Variants in NDUFA5 observed in about 807,000 individuals in gnomAD.
NDUFA5 encodes the protein NADH:ubiquinone oxidoreductase subunit A5.
Under a neutral mutation model 19.8 loss-of-function variants are expected in NDUFA5, and 11 were observed. The observed-to-expected ratio is 0.56, with a 90% CI of 0.35 to 0.92. NDUFA5 has a LOEUF of 0.92. NDUFA5 is among the 40% of genes least tolerant of loss of function. The probability of loss-of-function intolerance (pLI) is 0.01; values close to 1 mark genes in which losing one functional copy is unlikely to be tolerated. For synonymous variants in NDUFA5, 47 were observed against 46.8 expected (o/e 1.00, Z -0.01); for missense variants, 109 against 134.2 (o/e 0.81, Z 0.93).
In NDUFA5 at chr7:123,550,503, C is replaced by T; in HGVS notation, c.150G>A (p.Gln50=). ...CCATAGCCAGCTTCTCATTTGTAAT[C>T]TGTTCTGTATACTTTCTATATGCTG... ...KNAAYRKYTE[Q]ITNEKLAMVK... is the part of the protein sequence containing the mutation. Residue 50 remains glutamine, a synonymous_variant, in exon 3 of 5, where the codon CAG becomes CAA. Transcript: ENST00000355749. The T allele has an allele frequency of 1.2e-6, 2 of 1,608,868 alleles. No homozygotes were observed. Among genetic ancestry groups the T allele is most frequent in the South Asian group, 1.1e-5 (1 of 90,518 alleles).
At chr7:123,577,334 T>C in the NDUFA5 span, among the ~76,000 whole-genome samples, 1 of 152,182 alleles carries the variant, frequency 6.6e-6, no homozygotes, top group African/African-American at 2.4e-5. Context: ...AGAAGAACTG[T>C]CACTTGTCTT....
the NDUFA5 span, among the ~76,000 whole-genome samples, chr7:123,588,599 C>CT: frequency 4.0e-4 from 56 of 140,998 alleles, no homozygotes; most frequent in African/African-American, 1.3e-3. Context: ...TCCTTTCTGT[C>CT]TTTTTTCTAC....
At chr7:123,581,133 A>G in the NDUFA5 span, among the ~76,000 whole-genome samples, 10 of 151,834 alleles carry the variant, frequency 6.6e-5, no homozygotes, top group African/African-American at 2.2e-4. Flanking sequence ...AACCTCCTTC[A>G]GCTCTTTGCG....
At chr7:123,600,762 C>T in the NDUFA5 span, among the ~76,000 whole-genome samples, 2 of 152,166 alleles carry the variant, frequency 1.3e-5, no homozygotes, top group African/African-American at 4.8e-5. Context: ...TCTCATTTCA[C>T]ATTTACGGTT....
chr7:123,582,845 T>C, the NDUFA5 span, among the ~76,000 whole-genome samples: 11,047 of 151,988 alleles, frequency 0.073, 455 homozygotes, highest in African/African-American at 0.096. Flanking sequence ...AGCTAATAAA[T>C]ACATACTTGG....
intron 2 of NDUFA5, chr7:123,557,068 A>G (rs1419831284): frequency 3.7e-6 from 2 of 545,302 alleles, no homozygotes; most frequent in Admixed American, 4.4e-5. Context: ...AATCCAACGC[A>G]CCTAAGCAGA....
At chr7:123,580,759 C>T in the NDUFA5 span, among the ~76,000 whole-genome samples, 2 of 152,020 alleles carry the variant, frequency 1.3e-5, no homozygotes, top group South Asian at 2.1e-4. Context: ...CCTGCACAAC[C>T]GTACCTGGAA....
chr7:123,574,645 A>G, the NDUFA5 span, among the ~76,000 whole-genome samples: 1 of 152,142 alleles, frequency 6.6e-6, no homozygotes, highest in East Asian at 1.9e-4. Context: ...GAGGCCCTCT[A>G]ACATTGAACC....
chr7:123,595,354 T>C, the NDUFA5 span, among the ~76,000 whole-genome samples: 3 of 152,192 alleles, frequency 2.0e-5, no homozygotes, highest in East Asian at 3.9e-4. Context: ...TTTTGCCTCA[T>C]GACAAAAAGT....
chr7:123,576,954 A>T, the NDUFA5 span, among the ~76,000 whole-genome samples: 1 of 152,278 alleles, frequency 6.6e-6, no homozygotes, highest in Admixed American at 6.5e-5. Context: ...AATTTTCAGG[A>T]GGAAAAAGAG....
At position 123,541,143 on chromosome 7, in the gene NDUFA5, G is replaced by A. The variant is rs1584683548; in HGVS notation, c.*976C>T. On this transcript the variant is annotated 3_prime_UTR_variant, in exon 5 of 5. Transcript: ENST00000355749. ...ACCCACCTACACTTATATTAGAAAC[G>A]TACTGCAAACTATTTAGTGACTCCA... The A allele has an allele frequency of 6.6e-6, 1 of 152,090 alleles. No individual in the cohort carries two copies. Among genetic ancestry groups the A allele is most frequent in the Admixed American group, 6.6e-5 (1 of 15,266 alleles). The allele number at this position is 152,090 out of a possible 1,614,324, so 9.4% of individuals were successfully genotyped here. A position where few individuals can be genotyped will look rare whatever the true frequency, so the allele number is the denominator to read the frequency against.
rs61556029 is a variant in NDUFA5 at position 123,544,764 on chromosome 7, T to TAAAAA, written c.249+842_249+846dup. 4.4e-3 allele frequency among the ~76,000 whole-genome samples: 271 copies of TAAAAA among 61,776 alleles called. 3 individuals carry two copies. The highest frequency in any genetic ancestry group is 6.6e-3 in the African/African-American group (107 of 16,190). The allele number at this position is 61,776 out of a possible 152,430, so 40.5% of individuals were successfully genotyped here. The stretch of plus-strand genomic sequence containing the variant: ...AATTGGAGAAAAAAGATGCAAATCT[T>TAAAAA]AAAAAAAAAAAAAAAAAAAAAAAAA... On this transcript the variant is annotated intron_variant, in intron 4 of 4. Transcript: ENST00000355749.
the NDUFA5 span, among the ~76,000 whole-genome samples, chr7:123,591,798 A>T: frequency 6.6e-6 from 1 of 152,182 alleles, no homozygotes; most frequent in East Asian, 1.9e-4. Flanking sequence ...TGGTATCAGG[A>T]TGATGCTGAC....
In NDUFA5 at chr7:123,557,462, A is replaced by C. The variant is rs776139106; in HGVS notation, c.22-14T>G. 6.8e-6 allele frequency: 11 copies of C among 1,612,468 alleles called. No individual in the cohort carries two copies. The East Asian group carries it at 2.5e-4, about 36-fold the overall frequency. On this transcript the variant is annotated splice_polypyrimidine_tract_variant and intron_variant, in intron 1 of 4. Coordinates refer to ENST00000355749, the MANE Select transcript of NDUFA5 (RefSeq NM_005000.5). Reference sequence around the variant, plus strand: ...AAGGCCAGTGGTCTGTTCAAAAACAAAACACGATTCATGCTGTTTACTACG... The same window carrying C: ...AAGGCCAGTGGTCTGTTCAAAAACACAACACGATTCATGCTGTTTACTACG...
At chr7:123,597,486 G>C in the NDUFA5 span, among the ~76,000 whole-genome samples, 1 of 152,108 alleles carries the variant, frequency 6.6e-6, no homozygotes, top group Non-Finnish European at 1.5e-5. Flanking sequence ...AGCATACATA[G>C]AGTTCTGTAT....
chr7:123,562,563 G>A (rs776717966), upstream of NDUFA5, among the ~76,000 whole-genome samples: 3 of 152,112 alleles, frequency 2.0e-5, no homozygotes, highest in African/African-American at 4.8e-5. Flanking sequence ...TTTATGTTAC[G>A]AAAATGGCTT....
At chr7:123,591,979 C>G in the NDUFA5 span, among the ~76,000 whole-genome samples, 1 of 152,032 alleles carries the variant, frequency 6.6e-6, no homozygotes, top group Non-Finnish European at 1.5e-5. Flanking sequence ...ATTTCAGGAC[C>G]TGTTATTGGT....
At chr7:123,543,174 C>A (rs1230174687) in intron 4 of NDUFA5, among the ~76,000 whole-genome samples, 1 of 152,058 alleles carries the variant, frequency 6.6e-6, no homozygotes, top group Non-Finnish European at 1.5e-5. Flanking sequence ...ATTACTAATG[C>A]CAAAAGGAGA....
At chr7:123,567,693 C>A in the NDUFA5 span, among the ~76,000 whole-genome samples, 1 of 152,074 alleles carries the variant, frequency 6.6e-6, no homozygotes. Flanking sequence ...CTGGGGAGCT[C>A]ATTTCTGAAA....
Sources: gnomAD v4.1 joint callset for allele counts (sites outside exome capture counted in the v4.1 genomes callset) on GRCh38, gnomAD v4.1.1 for gene constraint, MANE v1.5 for transcripts, NCBI Gene and HGNC (gene_info 2026-07-23, HGNC 2026-07-21) for gene names.